The following PAPPA variants were observed in gnomAD, a reference collection of about 807,000 sequenced individuals.
The protein encoded by PAPPA is pappalysin 1.
A neutral mutation model predicts 164.0 loss-of-function variants in PAPPA; 60 were observed. The observed-to-expected ratio is 0.37, with a 90% confidence interval of 0.30 to 0.45. The LOEUF (loss-of-function observed/expected upper bound fraction) is 0.45, where lower values mean the gene tolerates loss of function less well. PAPPA is among the 20% of genes least tolerant of loss of function. The pLI is 1.00. For missense variants in PAPPA, 1,782 were observed against 2,087.3 expected (o/e 0.85, Z 2.85); for synonymous variants, 875 against 814.1 (o/e 1.07, Z -1.27).
chr9:116,365,566 TCCTCTC>T (rs1846490700), intron 18 of PAPPA, among the ~76,000 whole-genome samples: 1 of 137,892 alleles, frequency 7.3e-6, no homozygotes, highest in Non-Finnish European at 1.6e-5. Flanking sequence ...TTTTTTTTTT[TCCTCTC>T]TTGGGATAAG....
At chr9:116,188,348 G>C in intron 2 of PAPPA, 132 bp downstream of exon 2, 2 of 659,424 alleles carry the variant, frequency 3.0e-6, no homozygotes, top group South Asian at 4.1e-5. Context: ...CATGATTGAG[G>C]CAAGTCTTTT....
chr9:116,206,024 G>T (rs1050105229), intron 2 of PAPPA, among the ~76,000 whole-genome samples: 5 of 152,296 alleles, frequency 3.3e-5, no homozygotes, highest in Non-Finnish European at 7.4e-5. Flanking sequence ...CTTAATAAAT[G>T]TTGGCTGTCT....
chr9:116,275,263 TG>T (rs1421534506), intron 9 of PAPPA, among the ~76,000 whole-genome samples: 1 of 152,248 alleles, frequency 6.6e-6, no homozygotes, highest in African/African-American at 2.4e-5. Context: ...TCTAGCAAGT[TG>T]GATGTGCTTG....
Position 116,294,451 on chromosome 9 carries a change from C to A in PAPPA, c.2954-8306C>A, listed in dbSNP as rs558330200. On this transcript the variant is annotated intron_variant, in intron 9 of 21. Coordinates refer to ENST00000328252, the MANE Select transcript of PAPPA (RefSeq NM_002581.5). ...TCTGGTTGAGGAGGTTAAGAAGAAACCCTGGTTTGAATAGAATTAAATGAG... is the reference window on the plus strand; with the variant it reads ...TCTGGTTGAGGAGGTTAAGAAGAAAACCTGGTTTGAATAGAATTAAATGAG... Among the ~76,000 whole-genome samples, 7 of 152,270 alleles carry A rather than the reference C, an allele frequency of 4.6e-5. 1 individual carries two copies. In the East Asian group the frequency reaches 1.4e-3, roughly 29 times the overall value.
At chr9:116,158,820 T>TGG (rs1843631845) in intron 1 of PAPPA, among the ~76,000 whole-genome samples, 1 of 152,198 alleles carries the variant, frequency 6.6e-6, no homozygotes, top group African/African-American at 2.4e-5. Flanking sequence ...CGCCTGTACT[T>TGG]CACAAAAGAG....
At chr9:116,156,363 T>TAA (rs1554730883) in intron 1 of PAPPA, among the ~76,000 whole-genome samples, 38 of 147,438 alleles carry the variant, frequency 2.6e-4, no homozygotes, top group African/African-American at 7.2e-4. Flanking sequence ...TATATATATA[T>TAA]AACACCTGGG....
intron 1 of PAPPA, among the ~76,000 whole-genome samples, chr9:116,186,253 TCTATATAG>T (rs1176515126): frequency 6.8e-6 from 1 of 147,500 alleles, no homozygotes; most frequent in Non-Finnish European, 1.5e-5. Flanking sequence ...TATCTATATA[TCTATATAG>T]ATATATAGAT....
At chr9:116,272,114 GC>G (rs1845144187) in intron 9 of PAPPA, among the ~76,000 whole-genome samples, 1 of 152,166 alleles carries the variant, frequency 6.6e-6, no homozygotes, top group South Asian at 2.1e-4. Context: ...TGTTGTTTCA[GC>G]CCCACTTGGG....
At chr9:116,203,848 G>A (rs1009476023) in intron 2 of PAPPA, among the ~76,000 whole-genome samples, 2 of 152,172 alleles carry the variant, frequency 1.3e-5, no homozygotes, top group African/African-American at 2.4e-5. Context: ...AAGAAAGATT[G>A]CAAGGCAGAG....
At chr9:116,179,085 CA>C (rs1843870492) in intron 1 of PAPPA, among the ~76,000 whole-genome samples, 1 of 152,176 alleles carries the variant, frequency 6.6e-6, no homozygotes, top group Admixed American at 6.5e-5. Flanking sequence ...AATATGCATA[CA>C]TTTATCTCTT....
At position 116,302,964 on chromosome 9, in the gene PAPPA, C is replaced by G; in HGVS notation, c.3147+14C>G. On this transcript the variant is annotated intron_variant, in intron 10 of 21. Coordinates refer to ENST00000328252, the MANE Select transcript of PAPPA (RefSeq NM_002581.5). ...GCAGCATCCCAGGTAAGATCCTAAC[C>G]ATGTGTGGCATTTCCTGCAGACATT... 6.2e-7 allele frequency: 1 copy of G among 1,609,262 alleles called. No homozygotes were observed.
chr9:116,360,949 G>T (rs989822650), intron 17 of PAPPA, among the ~76,000 whole-genome samples: 2 of 152,204 alleles, frequency 1.3e-5, no homozygotes, highest in Admixed American at 6.5e-5. Flanking sequence ...AGGAGAGCAG[G>T]ATGGGTTGTG....
At chr9:116,360,414 T>A (rs1427348071) in intron 17 of PAPPA, among the ~76,000 whole-genome samples, 1 of 152,110 alleles carries the variant, frequency 6.6e-6, no homozygotes. Flanking sequence ...GAGGTTTCCA[T>A]TGCAATTGTA....
chr9:116,236,493 A>C (rs1844669261), intron 7 of PAPPA, among the ~76,000 whole-genome samples: 1 of 151,550 alleles, frequency 6.6e-6, no homozygotes, highest in Non-Finnish European at 1.5e-5. Context: ...AGGCTGAGGC[A>C]GGAGAATCTC....
At chr9:116,202,913 A>T (rs1230997612) in intron 2 of PAPPA, among the ~76,000 whole-genome samples, 1 of 152,108 alleles carries the variant, frequency 6.6e-6, no homozygotes, top group African/African-American at 2.4e-5. Flanking sequence ...AATATTCATC[A>T]TTTTCTTACA....
chr9:116,232,596 C>T (rs910100273), intron 6 of PAPPA, among the ~76,000 whole-genome samples: 66 of 152,186 alleles, frequency 4.3e-4, no homozygotes, highest in African/African-American at 1.4e-3. Context: ...ATAAGACCTG[C>T]GTCACAGACT....
In PAPPA at chr9:116,351,837, C is replaced by T. The variant is rs116465166; in HGVS notation, c.3965-869C>T. 5.7e-3 allele frequency among the ~76,000 whole-genome samples: 875 copies of T among 152,266 alleles called. 12 individuals carry two copies. The highest frequency in any genetic ancestry group is 0.02 in the African/African-American group (839 of 41,542). ...CACTCCACCTCTCCAACCTGCAAGT[C>T]CCCGAGCCCCCGACATGTTTCCAGC... On this transcript the variant is annotated intron_variant, in intron 15 of 21. Transcript: ENST00000328252.
At chr9:116,300,744 C>T (rs866507665) in intron 9 of PAPPA, among the ~76,000 whole-genome samples, 44 of 152,242 alleles carry the variant, frequency 2.9e-4, no homozygotes, top group African/African-American at 9.1e-4. Context: ...GGCAGGGGCT[C>T]TTTCTAGCTA....
intron 9 of PAPPA, among the ~76,000 whole-genome samples, chr9:116,274,804 C>T (rs921658992): frequency 1.3e-5 from 2 of 152,188 alleles, no homozygotes; most frequent in Non-Finnish European, 2.9e-5. Context: ...TTCTGGGTAG[C>T]TTGAGTGTGG....
Sources: allele counts gnomAD v4.1 joint callset (sites outside exome capture counted in the v4.1 genomes callset), GRCh38; gene constraint gnomAD v4.1.1; transcripts MANE v1.5; gene names NCBI Gene and HGNC (gene_info 2026-07-23, HGNC 2026-07-21).